Variants in RANBP2 observed in about 807,000 individuals in gnomAD.
RANBP2 encodes the protein RAN binding protein 2.
Under a neutral mutation model 303.6 loss-of-function variants are expected in RANBP2, and 57 were observed. The observed-to-expected ratio is 0.19, with a 90% CI of 0.15 to 0.23. RANBP2 has a LOEUF of 0.23. RANBP2 is among the 10% of genes least tolerant of loss of function. The probability of loss-of-function intolerance (pLI) is 1.00; values close to 1 mark genes in which losing one functional copy is unlikely to be tolerated. For synonymous variants in RANBP2, 1,167 were observed against 1,301.5 expected (o/e 0.90, Z 2.23); for missense variants, 3,138 against 3,780.8 (o/e 0.83, Z 4.46).
chr2:108,929,313 T>C, the RANBP2 span: 2 of 1,614,142 alleles, frequency 1.2e-6, no homozygotes, highest in South Asian at 2.2e-5. Flanking sequence ...TAGCCTCCTT[T>C]GGAAAACTTC....
intron 7 of RANBP2, among the ~76,000 whole-genome samples, chr2:108,746,156 C>T (rs372906443): frequency 6.6e-5 from 10 of 151,802 alleles, no homozygotes; most frequent in Non-Finnish European, 1.2e-4. Flanking sequence ...GATCCCCCCA[C>T]CTTGGCCTTC....
the RANBP2 span, chr2:108,897,379 T>A: frequency 3.9e-6 from 3 of 772,094 alleles, no homozygotes; most frequent in South Asian, 5.3e-5. Flanking sequence ...AACAAATGCA[T>A]AACTTAAGGC....
the RANBP2 span, among the ~76,000 whole-genome samples, chr2:109,542,525 A>G: frequency 6.6e-6 from 1 of 152,180 alleles, no homozygotes. Flanking sequence ...ATATAGCCAC[A>G]TATGTAACAA....
At chr2:109,170,173 G>A in the RANBP2 span, among the ~76,000 whole-genome samples, 2 of 152,022 alleles carry the variant, frequency 1.3e-5, no homozygotes, top group Admixed American at 6.5e-5. Context: ...GTCGGCTCTT[G>A]TTTCCTTATC....
the RANBP2 span, chr2:109,432,507 G>A: frequency 1.9e-4 from 304 of 1,613,246 alleles, 1 homozygote; most frequent in Non-Finnish European, 2.2e-4. Flanking sequence ...GCAGGTACCT[G>A]GCGCTCTACG....
chr2:109,210,788 C>T, the RANBP2 span, among the ~76,000 whole-genome samples: 1 of 152,154 alleles, frequency 6.6e-6, no homozygotes. Context: ...CTGGCAAGCA[C>T]GACCTATTTC....
the RANBP2 span, among the ~76,000 whole-genome samples, chr2:108,958,373 T>C: frequency 7.1e-6 from 1 of 140,166 alleles, no homozygotes; most frequent in Non-Finnish European, 1.5e-5. Flanking sequence ...GCTATCACTT[T>C]CATTAATAAC....
chr2:109,655,457 A>G, the RANBP2 span, among the ~76,000 whole-genome samples: 1 of 152,164 alleles, frequency 6.6e-6, no homozygotes, highest in South Asian at 2.1e-4. Context: ...GGATGAGCTG[A>G]TGAAGAAGCA....
chr2:109,398,588 A>C, the RANBP2 span: 1 of 1,551,390 alleles, frequency 6.4e-7, no homozygotes. Context: ...TTTCTCACTC[A>C]GCTCAATGAC....
chr2:109,060,879 T>C, the RANBP2 span, among the ~76,000 whole-genome samples: 2 of 152,352 alleles, frequency 1.3e-5, no homozygotes, highest in Admixed American at 6.5e-5. Flanking sequence ...TCTTCATAGT[T>C]AATTTACATG....
the RANBP2 span, among the ~76,000 whole-genome samples, chr2:109,730,872 T>A: frequency 7.2e-6 from 1 of 138,822 alleles, no homozygotes; most frequent in Non-Finnish European, 1.5e-5. Context: ...CACCACAACA[T>A]CTGCCTCCCA....
At chr2:109,323,454 T>G in the RANBP2 span, among the ~76,000 whole-genome samples, 1 of 152,170 alleles carries the variant, frequency 6.6e-6, no homozygotes, top group Non-Finnish European at 1.5e-5. Context: ...TTCAGTGAGA[T>G]TTAGAAAAAC....
chr2:108,939,902 C>G, the RANBP2 span, among the ~76,000 whole-genome samples: 3 of 152,164 alleles, frequency 2.0e-5, no homozygotes, highest in African/African-American at 7.2e-5. Flanking sequence ...AAAGTTGGCA[C>G]CTTAAAGTAT....
At chr2:108,774,101 AT>A (rs1298611509) in intron 23 of RANBP2, among the ~76,000 whole-genome samples, 1 of 152,164 alleles carries the variant, frequency 6.6e-6, no homozygotes, top group African/African-American at 2.4e-5. Flanking sequence ...TACAATCGTG[AT>A]TTTTATTAAA....
the RANBP2 span, among the ~76,000 whole-genome samples, chr2:109,017,460 C>T: frequency 6.6e-5 from 10 of 152,172 alleles, no homozygotes; most frequent in African/African-American, 2.2e-4. Flanking sequence ...CACAGGATGG[C>T]GTGGGGTCGC....
At chr2:109,466,265 T>G in the RANBP2 span, among the ~76,000 whole-genome samples, 24 of 152,140 alleles carry the variant, frequency 1.6e-4, no homozygotes, top group African/African-American at 4.8e-4. Context: ...GTATTTTTAG[T>G]AGAGACGGGG....
At chr2:109,548,433 C>T in the RANBP2 span, among the ~76,000 whole-genome samples, 1 of 152,092 alleles carries the variant, frequency 6.6e-6, no homozygotes, top group East Asian at 1.9e-4. Flanking sequence ...TTGAGGTTTA[C>T]AGGCTCATTG....
the RANBP2 span, among the ~76,000 whole-genome samples, chr2:109,234,694 G>T: frequency 6.6e-6 from 1 of 152,228 alleles, no homozygotes; most frequent in Non-Finnish European, 1.5e-5. Context: ...CTGATGAGAA[G>T]AGAGTGAGGC....
the RANBP2 span, among the ~76,000 whole-genome samples, chr2:109,660,678 A>C: frequency 8.5e-5 from 13 of 152,344 alleles, no homozygotes; most frequent in African/African-American, 3.1e-4. Flanking sequence ...GACGGCTGCC[A>C]GGAGCCTGAG....
Sources: allele counts gnomAD v4.1 joint callset (sites outside exome capture counted in the v4.1 genomes callset), GRCh38; gene constraint gnomAD v4.1.1; transcripts MANE v1.5; gene names NCBI Gene and HGNC (gene_info 2026-07-23, HGNC 2026-07-21).